SCNN1A: variants seen among roughly 807,000 people sequenced by gnomAD.
SCNN1A encodes the protein epithelial sodium channel subunit alpha.
A neutral mutation model predicts 68.6 loss-of-function variants in SCNN1A; 65 were observed. That is an observed-to-expected ratio of 0.95 (90% CI 0.78 to 1.16). The LOEUF (loss-of-function observed/expected upper bound fraction) is 1.16. SCNN1A is among the 50% of genes most tolerant of loss of function. The pLI, the probability that SCNN1A is intolerant of heterozygous loss-of-function variation, is 0.00. For missense variants in SCNN1A, 880 were observed against 865.9 expected (o/e 1.02, Z -0.20); for synonymous variants, 357 against 353.3 (o/e 1.01, Z -0.12).
chr12:6,348,627 G>A (rs577257999), intron 12 of SCNN1A, 100 bp downstream of exon 12: 10 of 1,066,368 alleles, frequency 9.4e-6, no homozygotes, highest in South Asian at 7.6e-5. Flanking sequence ...GAGACTCAGA[G>A]CCTTCTGGCC....
Position 6,348,086 on chromosome 12 carries a change from G to A in SCNN1A, c.1797C>T (p.Gly599=), listed in dbSNP as rs1172499923. The change falls in exon 13 of 13, where the codon GGC becomes GGT. Residue 599 remains glycine (G), a synonymous_variant. Transcript: ENST00000228916. ...RSRYWSPGRG[G]RGAQEVASTL... Reference sequence around the variant, plus strand: ...TGGAGGCTACCTCCTGAGCACCCCTGCCCCCTCGGCCTGGAGACCAGTATC... The same window carrying A: ...TGGAGGCTACCTCCTGAGCACCCCTACCCCCTCGGCCTGGAGACCAGTATC... 2.0e-5 allele frequency: 33 copies of A among 1,613,988 alleles called. No homozygotes were observed. Among genetic ancestry groups the A allele is most frequent in the Non-Finnish European group, 2.7e-5 (32 of 1,180,018 alleles).
Position 6,354,815 on chromosome 12 carries a change from C to T in SCNN1A, c.1177G>A (p.Asp393Asn), listed in dbSNP as rs886049758. Residue 393 changes from aspartate (D) to asparagine (N), a missense_variant, in exon 7 of 13, where the codon GAC (aspartate) becomes AAC (asparagine). Coordinates refer to ENST00000228916, the MANE Select transcript of SCNN1A (RefSeq NM_001038.6). The stretch of plus-strand genomic sequence containing the variant: ...ACATCACTGCCATTCTTGGTGCAGT[C>T]GCCATAATCGCCCCCAAGTCTGTCC... ...TLDRLGGDYGDCTKNGSDVPV... is the reference protein window; with the variant it reads ...TLDRLGGDYGNCTKNGSDVPV... 17 of 1,613,872 alleles carry T rather than the reference C, an allele frequency of 1.1e-5. No homozygotes were observed. Among genetic ancestry groups the T allele is most frequent in the East Asian group, 4.5e-5 (2 of 44,890 alleles).
chr12:6,369,854 AAT>A (rs1948755812), intron 2 of SCNN1A, among the ~76,000 whole-genome samples: 1 of 150,960 alleles, frequency 6.6e-6, no homozygotes. Flanking sequence ...AAAAAAAAAA[AAT>A]CTCTCCCTCC....
chr12:6,366,617 A>G (rs948882912), intron 2 of SCNN1A, among the ~76,000 whole-genome samples: 1 of 152,134 alleles, frequency 6.6e-6, no homozygotes, highest in Non-Finnish European at 1.5e-5. Context: ...ACTGACCAAC[A>G]TGGAGAAACC....
chr12:6,355,928 GC>G (rs1376204418), intron 4 of SCNN1A, 48 bp from the exon 5 acceptor site: 1 of 1,165,022 alleles, frequency 8.6e-7, no homozygotes, highest in South Asian at 1.2e-5. Context: ...TGTAGGTGGT[GC>G]AGGGAATAGG....
At chr12:6,355,532 A>T (rs1948482341) in intron 5 of SCNN1A, 97 bp from the exon 6 acceptor site, 1 of 1,445,524 alleles carries the variant, frequency 6.9e-7, no homozygotes, top group Non-Finnish European at 9.5e-7. Context: ...CAGTCTCTAA[A>T]GCTGCAAGAG....
intron 8 of SCNN1A, among the ~76,000 whole-genome samples, chr12:6,354,217 C>A (rs11609789): frequency 6.6e-6 from 1 of 151,344 alleles, no homozygotes; most frequent in African/African-American, 2.4e-5. Context: ...GGTGACAGAG[C>A]GAGACTCCAT....
At chr12:6,371,153 C>T (rs1948781943) in intron 2 of SCNN1A, among the ~76,000 whole-genome samples, 1 of 152,150 alleles carries the variant, frequency 6.6e-6, no homozygotes, top group Admixed American at 6.5e-5. Flanking sequence ...TGGCGACCCT[C>T]AGCAGGTAGG....
chr12:6,356,154 A>G (rs1364601235), intron 4 of SCNN1A: 1 of 509,198 alleles, frequency 2.0e-6, no homozygotes, highest in African/African-American at 1.9e-5. Flanking sequence ...CAGCTGGCCC[A>G]AGGTCACACA....
intron 4 of SCNN1A, among the ~76,000 whole-genome samples, chr12:6,356,764 G>T (rs1460255423): frequency 6.6e-6 from 1 of 152,200 alleles, no homozygotes; most frequent in Non-Finnish European, 1.5e-5. Context: ...GAGGATCTGT[G>T]TTCTGCTACC....
intron 6 of SCNN1A, 56 bp from the exon 7 acceptor site, chr12:6,354,904 T>G: frequency 7.1e-7 from 1 of 1,411,174 alleles, no homozygotes; most frequent in Non-Finnish European, 1.0e-6. Flanking sequence ...CTCTGGGTTC[T>G]CTGCCTTCCC....
In SCNN1A at chr12:6,374,299, A is replaced by G; in HGVS notation, c.416+69T>C. The G allele has an allele frequency of 6.5e-7, 1 of 1,532,824 alleles. No individual in the cohort carries two copies. Among genetic ancestry groups the G allele is most frequent in the Non-Finnish European group, 8.9e-7 (1 of 1,120,186 alleles). The allele number at this position is 1,532,824 out of a possible 1,614,324, so 95.0% of individuals were successfully genotyped here. On this transcript the variant is annotated intron_variant, in intron 2 of 12. Transcript: ENST00000228916. This position sits in a 1 kb window ranked among gnomAD's most constrained non-coding sequence, Gnocchi z 6.2. Reference sequence around the variant, plus strand: ...GGTCTGAGGCTCTGCCTGCCCAGTGAGCACCTCAGCACCCTGGACCACCCT... The same window carrying G: ...GGTCTGAGGCTCTGCCTGCCCAGTGGGCACCTCAGCACCCTGGACCACCCT...
intron 10 of SCNN1A, 77 bp from the exon 11 acceptor site, chr12:6,349,082 A>T: frequency 3.7e-6 from 6 of 1,601,310 alleles, no homozygotes; most frequent in Non-Finnish European, 5.1e-6. Flanking sequence ...TGTCAAACAC[A>T]CTCATACACA....
At position 6,372,143 on chromosome 12, in the gene SCNN1A, G is replaced by A. The variant is rs1948805173; in HGVS notation, c.416+2225C>T. Among the ~76,000 whole-genome samples the A allele has an allele frequency of 6.6e-6, 1 of 152,018 alleles. No individual in the cohort carries two copies. The highest frequency in any genetic ancestry group is 6.6e-5 in the Admixed American group (1 of 15,246). The stretch of plus-strand genomic sequence containing the variant: ...ACAGGCGTGAGGCACCATGCCCAGC[G>A]GTTATTTTTTAATTTAATAAATAAA... On this transcript the variant is annotated intron_variant, in intron 2 of 12. Transcript: ENST00000228916. The surrounding 1 kb of genome is among the most constrained non-coding windows in gnomAD (Gnocchi z 5.8).
chr12:6,367,502 C>G (rs1014316497), intron 2 of SCNN1A, among the ~76,000 whole-genome samples: 1 of 152,066 alleles, frequency 6.6e-6, no homozygotes, highest in Non-Finnish European at 1.5e-5. Context: ...AAACATTAAG[C>G]AAAATAAGTC....
rs1274333712 is a variant in SCNN1A at position 6,372,174 on chromosome 12, T to G, written c.416+2194A>C. Among the ~76,000 whole-genome samples, 2 of 152,224 alleles carry G rather than the reference T, an allele frequency of 1.3e-5. No individual in the cohort carries two copies. The highest frequency in any genetic ancestry group is 2.9e-5 in the Non-Finnish European group (2 of 68,040). On this transcript the variant is annotated intron_variant, in intron 2 of 12. Transcript: ENST00000228916. The surrounding 1 kb of genome is among the most constrained non-coding windows in gnomAD (Gnocchi z 5.8). ...TTTTTAATTTAATAAATAAATAATG[T>G]ATGTTCCCTTGCTCAAATTATTTCC... is the stretch of plus-strand genomic sequence containing the variant.
chr12:6,368,287 G>A (rs1340428730), intron 2 of SCNN1A, among the ~76,000 whole-genome samples: 1 of 152,172 alleles, frequency 6.6e-6, no homozygotes, highest in East Asian at 1.9e-4. Context: ...GACAGGAAAA[G>A]GAAAGTGACC....
chr12:6,366,978 C>T (rs1282666604), intron 2 of SCNN1A, among the ~76,000 whole-genome samples: 1 of 152,186 alleles, frequency 6.6e-6, no homozygotes, highest in Non-Finnish European at 1.5e-5. Flanking sequence ...GTGGCTCACA[C>T]CTGTAATTCC....
At position 6,362,048 on chromosome 12, in the gene SCNN1A, C is replaced by CA. The variant is rs1948588956; in HGVS notation, c.875+2dup. Reference sequence around the variant, plus strand: ...AGCAAGGAGCCAGGCAGGACTGACTCACGCCTGGTTGCAGGAGACCTGGTT... The same window carrying CA: ...AGCAAGGAGCCAGGCAGGACTGACTCAACGCCTGGTTGCAGGAGACCTGGTT... On this transcript the variant is annotated splice_region_variant and intron_variant, in intron 4 of 12. Transcript: ENST00000228916. 6.2e-7 allele frequency: 1 copy of CA among 1,614,176 alleles called. No individual in the cohort carries two copies. Among genetic ancestry groups the CA allele is most frequent in the Non-Finnish European group, 8.5e-7 (1 of 1,180,026 alleles).
Sources: allele counts gnomAD v4.1 joint callset (sites outside exome capture counted in the v4.1 genomes callset), GRCh38; gene constraint gnomAD v4.1.1; non-coding constraint Gnocchi (gnomAD v3.1); transcripts MANE v1.5; gene names NCBI Gene and HGNC (gene_info 2026-07-23, HGNC 2026-07-21).